The following ARHGEF1 variants were observed in gnomAD, a reference collection of about 807,000 sequenced individuals.
ARHGEF1 encodes the protein Rho guanine nucleotide exchange factor 1.
In ARHGEF1, 40 loss-of-function variants were observed where a neutral mutation model predicts 119.7. That is an observed-to-expected ratio of 0.33 (90% CI 0.26 to 0.44). ARHGEF1 has a LOEUF of 0.44. Among genes scored for constraint, ARHGEF1 ranks in the 20% least tolerant of loss-of-function variants. ARHGEF1 has a pLI of 1.00. For missense variants in ARHGEF1, 976 were observed against 1,268.3 expected (o/e 0.77, Z 3.50); for synonymous variants, 494 against 521.0 (o/e 0.95, Z 0.71).
chr19:41,926,678 G>C (rs1427719965), intron 1 of ARHGEF1, among the ~76,000 whole-genome samples: 3 of 152,054 alleles, frequency 2.0e-5, no homozygotes, highest in Admixed American at 1.3e-4. Flanking sequence ...GCTGCTTGGC[G>C]ATGCGGAGCG....
chr19:41,925,050 G>A (rs1190962886), intron 1 of ARHGEF1, among the ~76,000 whole-genome samples: 1 of 152,180 alleles, frequency 6.6e-6, no homozygotes, highest in Non-Finnish European at 1.5e-5. Flanking sequence ...TGGCTGGAGT[G>A]TGGGGAACCA....
downstream of ARHGEF1, among the ~76,000 whole-genome samples, chr19:41,911,021 C>G (rs782343780): frequency 3.3e-5 from 5 of 152,188 alleles, no homozygotes; most frequent in Non-Finnish European, 2.9e-5. Flanking sequence ...AAAGAACACA[C>G]TGTACGATGG....
At chr19:41,894,397 T>C in intron 9 of ARHGEF1, 54 bp from the exon 10 acceptor site, 1 of 1,524,508 alleles carries the variant, frequency 6.6e-7, no homozygotes, top group Non-Finnish European at 8.8e-7. Flanking sequence ...CAAATTCTGC[T>C]TTGTTGTTGT....
At chr19:41,913,395 GC>G (rs2074766297) in intron 18 of ARHGEF1, among the ~76,000 whole-genome samples, 1 of 151,748 alleles carries the variant, frequency 6.6e-6, no homozygotes, top group Non-Finnish European at 1.5e-5. Flanking sequence ...CTCTCTGGCT[GC>G]CCCAGATTTA....
chr19:41,893,093 C>A, intron 7 of ARHGEF1, 181 bp from the exon 8 acceptor site: 1 of 1,012,032 alleles, frequency 9.9e-7, no homozygotes, highest in Non-Finnish European at 1.4e-6. Context: ...TGGATCCCAT[C>A]CTCCTGGATG....
intron 11 of ARHGEF1, 103 bp from the exon 12 acceptor site, chr19:41,895,246 A>T (rs2074462962): frequency 1.4e-6 from 2 of 1,434,270 alleles, no homozygotes; most frequent in Non-Finnish European, 9.4e-7. Flanking sequence ...GCTCCTTGTC[A>T]TGGTGGGGAA....
chr19:41,912,557 G>T (rs1249982759), intron 18 of ARHGEF1, among the ~76,000 whole-genome samples: 1 of 152,206 alleles, frequency 6.6e-6, no homozygotes, highest in Admixed American at 6.5e-5. Context: ...AGGCTGAGAC[G>T]TGCGTGGCAG....
chr19:41,898,320 C>A, intron 13 of ARHGEF1, 122 bp from the exon 14 acceptor site: 1 of 1,450,466 alleles, frequency 6.9e-7, no homozygotes, highest in Non-Finnish European at 9.3e-7. Flanking sequence ...TGGTCTGCTG[C>A]ACGGGCCACC....
chr19:41,911,404 T>G (rs2074750366), downstream of ARHGEF1, among the ~76,000 whole-genome samples: 1 of 152,226 alleles, frequency 6.6e-6, no homozygotes, highest in South Asian at 2.1e-4. Context: ...AGGAGACTGC[T>G]GTGCGCCAGG....
At position 41,896,446 on chromosome 19, in the gene ARHGEF1, C is replaced by T. The variant is rs868961806; in HGVS notation, c.1085C>T (p.Pro362Leu). ...QGPMSLESLA[P>L]PESTDEGAET... ...CCAATGAGCCTGGAGTCCTTGGCGC[C>T]CCCAGAGAGTACCGACGAGGGGGCC... The change falls in exon 13 of 29, where the codon CCC becomes CTC. Residue 362 changes from proline (P) to leucine (L), a missense_variant. Physicochemically the swap from Pro to Leu is moderately conservative, Grantham distance 98. Transcript: ENST00000354532. 1 of 1,484,094 alleles carries T rather than the reference C, an allele frequency of 6.7e-7. No homozygotes were observed. The highest frequency in any genetic ancestry group is 1.4e-5 in the South Asian group (1 of 70,038). 91.9% of individuals were successfully genotyped at this position (1,484,094 alleles called of 1,614,324 possible). A position where few individuals can be genotyped will look rare whatever the true frequency, so the allele number is the denominator to read the frequency against.
At chr19:41,909,487 T>C, downstream of ARHGEF1, 1 of 1,247,642 alleles carries the variant, frequency 8.0e-7, no homozygotes, top group Non-Finnish European at 1.0e-6. This position sits in a 1 kb window ranked among gnomAD's most constrained non-coding sequence, Gnocchi z 5.2. Flanking sequence ...GGGAGAGTGG[T>C]GGTGTTGGGG....
intron 8 of ARHGEF1, 52 bp from the exon 9 acceptor site, chr19:41,894,135 AGTGTGTGTGTGTGTGTGTGT>A: frequency 1.2e-5 from 6 of 484,530 alleles, no homozygotes; most frequent in Non-Finnish European, 1.7e-5. Flanking sequence ...TGTGTGTGTG[AGTGTGTGTGTGTGTGTGTGT>A]GTGTGTGTGT....
At chr19:41,922,812 A>C (rs976677490), upstream of ARHGEF1, among the ~76,000 whole-genome samples, 1 of 152,164 alleles carries the variant, frequency 6.6e-6, no homozygotes, top group African/African-American at 2.4e-5. Flanking sequence ...GAGAGCAATA[A>C]ATTATTGTGA....
At chr19:41,909,098 T>G, downstream of ARHGEF1, 1 of 1,231,708 alleles carries the variant, frequency 8.1e-7, no homozygotes, top group Non-Finnish European at 1.0e-6. The surrounding 1 kb of genome is among the most constrained non-coding windows in gnomAD (Gnocchi z 5.2). Context: ...CAGACGCAAT[T>G]TATCTGTCTC....
At chr19:41,887,400 C>T (rs1555845379) in intron 1 of ARHGEF1, among the ~76,000 whole-genome samples, 1 of 152,054 alleles carries the variant, frequency 6.6e-6, no homozygotes, top group East Asian at 1.9e-4. Flanking sequence ...CTGTCTGAGG[C>T]CCCATCACTT....
At chr19:41,893,108 A>ACCTC in intron 7 of ARHGEF1, 166 bp from the exon 8 acceptor site, 3 of 988,138 alleles carry the variant, frequency 3.0e-6, no homozygotes, top group Non-Finnish European at 4.4e-6. Context: ...TGGATGAGAG[A>ACCTC]CCTCCCTCCC....
At chr19:41,926,711 C>T (rs1334145522) in intron 1 of ARHGEF1, among the ~76,000 whole-genome samples, 1 of 144,548 alleles carries the variant, frequency 6.9e-6, no homozygotes, top group Non-Finnish European at 1.5e-5. Context: ...GGCGGCCGGC[C>T]GGGAGGGGGG....
chr19:41,929,223 C>T (rs2074891021), intron 2 of ARHGEF1, among the ~76,000 whole-genome samples: 1 of 151,950 alleles, frequency 6.6e-6, no homozygotes, highest in South Asian at 2.1e-4. Context: ...ATCCACTGAC[C>T]CACAAACTGG....
At chr19:41,918,639 T>G (rs1374122133), upstream of ARHGEF1, among the ~76,000 whole-genome samples, 2 of 129,480 alleles carry the variant, frequency 1.5e-5, no homozygotes, top group Non-Finnish European at 3.2e-5. Flanking sequence ...AACCCTCACA[T>G]ACACCACACA....
Sources: gnomAD v4.1 joint callset for allele counts (sites outside exome capture counted in the v4.1 genomes callset) on GRCh38, gnomAD v4.1.1 for gene constraint, Gnocchi (gnomAD v3.1) non-coding constraint, MANE v1.5 for transcripts, NCBI Gene and HGNC (gene_info 2026-07-23, HGNC 2026-07-21) for gene names.